Variants in TNNT3 observed in about 807,000 individuals in gnomAD.
TNNT3 encodes the protein troponin T3, fast skeletal type.
TNNT3 carries 36 observed loss-of-function variants against 54.2 expected under a neutral mutation model. The observed-to-expected ratio is 0.66, with a 90% CI of 0.51 to 0.88. The LOEUF (loss-of-function observed/expected upper bound fraction) is 0.88, where lower values mean the gene tolerates loss of function less well. Among genes scored for constraint, TNNT3 ranks in the 40% least tolerant of loss-of-function variants. The probability of loss-of-function intolerance (pLI) is 0.00; values close to 1 mark genes in which losing one functional copy is unlikely to be tolerated. For synonymous variants in TNNT3, 120 were observed against 109.7 expected (o/e 1.09, Z -0.59); for missense variants, 291 against 331.6 (o/e 0.88, Z 0.95).
At chr11:1,925,146 T>A (rs2133284188) in intron 5 of TNNT3, 30 bp downstream of exon 5, 1 of 1,608,770 alleles carries the variant, frequency 6.2e-7, no homozygotes, top group Non-Finnish European at 8.5e-7. Flanking sequence ...CCGGCCCCCA[T>A]GCCCACTCCC....
chr11:1,938,515 G>C lies in TNNT3; in HGVS notation c.*23G>C, dbSNP rs763926252. Reference sequence around the variant, plus strand: ...TAGAGAGGCCAGAAAGGCCCCTCGAGGCAGAGACCCTCCGCCCTCTTGCAC... The same window carrying C: ...TAGAGAGGCCAGAAAGGCCCCTCGACGCAGAGACCCTCCGCCCTCTTGCAC... On this transcript the variant is annotated 3_prime_UTR_variant, in exon 16 of 16. Transcript: ENST00000278317. The C allele has an allele frequency of 3.7e-6, 6 of 1,612,438 alleles. No homozygotes were observed. The highest frequency in any genetic ancestry group is 5.1e-6 in the Non-Finnish European group (6 of 1,179,458).
chr11:1,928,930 T>C (rs1589940547), intron 6 of TNNT3, 190 bp from the exon 7 acceptor site: 30 of 425,086 alleles, frequency 7.1e-5, no homozygotes, highest in South Asian at 1.6e-4. Context: ...TTCCACCCCC[T>C]CCCCAGGCAT....
At chr11:1,923,466 G>T in intron 3 of TNNT3, 89 bp from the exon 4 acceptor site, 2 of 1,435,348 alleles carry the variant, frequency 1.4e-6, no homozygotes, top group Admixed American at 1.7e-5. Context: ...CCTGTCCAGG[G>T]CCGGGACACA....
At chr11:1,933,649 C>A in intron 9 of TNNT3, 72 bp from the exon 10 acceptor site, 1 of 1,247,904 alleles carries the variant, frequency 8.0e-7, no homozygotes, top group Non-Finnish European at 1.2e-6. Context: ...GGACCTCTTG[C>A]TGCAAGGCAG....
At chr11:1,927,502 C>T (rs1589927129) in intron 6 of TNNT3, among the ~76,000 whole-genome samples, 1 of 152,234 alleles carries the variant, frequency 6.6e-6, no homozygotes, top group South Asian at 2.1e-4. Context: ...ACTCGAGCCT[C>T]GGAGAGGCCC....
intron 5 of TNNT3, chr11:1,926,369 C>G: frequency 6.7e-7 from 1 of 1,487,182 alleles, no homozygotes; most frequent in Non-Finnish European, 9.4e-7. Context: ...CACCCTCGGC[C>G]TCGAGTGGCG....
At chr11:1,935,515 G>A (rs1353972093) in intron 14 of TNNT3, 1 of 175,902 alleles carries the variant, frequency 5.7e-6, no homozygotes, top group African/African-American at 2.4e-5. Flanking sequence ...GGCAAAGCTG[G>A]GACTGGGGAA....
intron 13 of TNNT3, 55 bp from the exon 14 acceptor site, chr11:1,934,774 C>T: frequency 6.2e-7 from 1 of 1,602,640 alleles, no homozygotes; most frequent in Non-Finnish European, 8.5e-7. Flanking sequence ...CTCCAGGGGC[C>T]TGGCCCTGCC....
Position 1,938,512 on chromosome 11 carries a change from C to T in TNNT3, c.*20C>T, listed in dbSNP as rs375636879. ...AAGTAGAGAGGCCAGAAAGGCCCCT[C>T]GAGGCAGAGACCCTCCGCCCTCTTG... On this transcript the variant is annotated 3_prime_UTR_variant, in exon 16 of 16. Transcript: ENST00000278317. 1.1e-5 allele frequency: 17 copies of T among 1,612,468 alleles called. No homozygotes were observed. The South Asian group carries it at 1.2e-4, about 11-fold the overall frequency.
chr11:1,936,296 C>T lies in TNNT3; in HGVS notation c.682-667C>T, dbSNP rs1383662748. 11 of 1,606,816 alleles carry T rather than the reference C, an allele frequency of 6.8e-6. No individual in the cohort carries two copies. The African/African-American group carries it at 8.0e-5, about 12-fold the overall frequency. ...GCCCTGGGCCAGGCCCGTGGGTGTG[C>T]GTTGCACGGTGAGGTGAACCTCTCG... On this transcript the variant is annotated intron_variant, in intron 14 of 15. Transcript: ENST00000278317.
chr11:1,922,257 T>G (rs1350270232), intron 1 of TNNT3, among the ~76,000 whole-genome samples: 1 of 152,054 alleles, frequency 6.6e-6, no homozygotes, highest in Non-Finnish European at 1.5e-5. Context: ...TGGGACACAC[T>G]CTGGGCACCC....
rs770593490 is a variant in TNNT3 at position 1,936,972 on chromosome 11, C to T, written c.691C>T (p.Leu231Phe). 164 of 1,606,378 alleles carry T rather than the reference C, an allele frequency of 1.0e-4. No individual in the cohort carries two copies. The highest frequency in any genetic ancestry group is 2.7e-4 in the African/African-American group (20 of 74,816). ...LKRQKYDITT[L>F]RSRIDQAQKH... is the part of the protein sequence containing the mutation. ...CTCATGTTGTTCACAGATCACCACG[C>T]TCAGGAGCCGCATTGACCAGGCCCA... The change falls in exon 15 of 16, where the codon CTC (leucine) becomes TTC (phenylalanine). Residue 231 changes from leucine to phenylalanine, a missense_variant. Physicochemically the swap from Leu to Phe is conservative, Grantham distance 22 (BLOSUM62 0). Transcript: ENST00000278317.
At chr11:1,934,954 C>A in intron 14 of TNNT3, 35 bp downstream of exon 14, 1 of 1,593,722 alleles carries the variant, frequency 6.3e-7, no homozygotes, top group African/African-American at 1.3e-5. Flanking sequence ...GGGGCCCTAG[C>A]GGCTTTCACC....
In TNNT3 at chr11:1,928,899, C is replaced by T. The variant is rs528622352; in HGVS notation, c.83-221C>T. ...CTCCACTAGGTCTTCCAGGCAGGAG[C>T]TCCACTGGGCACCCAGCCCCTTCCA... is the stretch of plus-strand genomic sequence containing the variant. On this transcript the variant is annotated intron_variant, in intron 6 of 15. Transcript: ENST00000278317. The T allele has an allele frequency of 1.4e-3, 874 of 637,556 alleles. 6 individuals carry two copies. The highest frequency in any genetic ancestry group is 1.3e-3 in the Non-Finnish European group (463 of 351,920). 39.5% of individuals were successfully genotyped at this position (637,556 alleles called of 1,614,324 possible).
intron 8 of TNNT3, 92 bp downstream of exon 8, chr11:1,929,920 A>T: frequency 6.7e-7 from 1 of 1,493,054 alleles, no homozygotes; most frequent in Non-Finnish European, 9.1e-7. Context: ...CCCAGTGCCG[A>T]GTGTGTTCTG....
At chr11:1,930,043 G>A (rs1230039843) in intron 8 of TNNT3, among the ~76,000 whole-genome samples, 1 of 152,198 alleles carries the variant, frequency 6.6e-6, no homozygotes, top group African/African-American at 2.4e-5. Context: ...TGCATTCGGA[G>A]GGACGCTCAG....
intron 8 of TNNT3, 145 bp downstream of exon 8, chr11:1,929,973 GCGCC>G: frequency 8.6e-7 from 1 of 1,165,060 alleles, no homozygotes; most frequent in Non-Finnish European, 1.3e-6. Context: ...GGCAGGCCCA[GCGCC>G]TCGTGTGTTC....
chr11:1,929,537 C>T (rs533442070), intron 7 of TNNT3, among the ~76,000 whole-genome samples: 7 of 152,224 alleles, frequency 4.6e-5, no homozygotes, highest in Non-Finnish European at 7.3e-5. Flanking sequence ...CGGCCTGTCT[C>T]GCTCCTATTT....
At chr11:1,928,453 C>T (rs1387545926) in intron 6 of TNNT3, among the ~76,000 whole-genome samples, 1 of 152,176 alleles carries the variant, frequency 6.6e-6, no homozygotes, top group Admixed American at 6.5e-5. Flanking sequence ...GGACAGCAGC[C>T]ATGTGGCAGT....
Sources: gnomAD v4.1 joint callset for allele counts (sites outside exome capture counted in the v4.1 genomes callset) on GRCh38, gnomAD v4.1.1 for gene constraint, MANE v1.5 for transcripts, NCBI Gene and HGNC (gene_info 2026-07-23, HGNC 2026-07-21) for gene names.